Variants in UBXN8 observed in about 807,000 individuals in gnomAD.
UBXN8 encodes UBX domain-containing protein 8.
Under a neutral mutation model 32.1 loss-of-function variants are expected in UBXN8, and 27 were observed. The ratio of observed to expected loss-of-function variants is 0.84; its 90% CI spans 0.62 to 1.16. The LOEUF is 1.16. Ranked by LOEUF, UBXN8 falls within the 50% of genes most tolerant of loss-of-function variation. The probability of loss-of-function intolerance (pLI) is 0.00; values close to 1 mark genes in which losing one functional copy is unlikely to be tolerated. For synonymous variants in UBXN8, 109 were observed against 111.8 expected (o/e 0.98, Z 0.16); for missense variants, 306 against 311.4 (o/e 0.98, Z 0.13).
chr8:30,740,539 GGAAAAAAAAAAAAAGAAAGGAAA>G (rs1805176050), upstream of UBXN8, among the ~76,000 whole-genome samples: 1 of 136,708 alleles, frequency 7.3e-6, no homozygotes, highest in Non-Finnish European at 1.6e-5. Flanking sequence ...CCCATCTCCT[GGAAAAAAAAAAAAAGAAAGGAAA>G]GAAAAAATAA....
chr8:30,748,187 G>T (rs1805417789), intron 1 of UBXN8, among the ~76,000 whole-genome samples: 1 of 150,754 alleles, frequency 6.6e-6, no homozygotes, highest in African/African-American at 2.4e-5. Flanking sequence ...GCGCAGTGGT[G>T]CAGTCTCAGC....
chr8:30,760,691 GATTA>G (rs1805811185), intron 5 of UBXN8, among the ~76,000 whole-genome samples, 193 bp from the exon 6 acceptor site: 1 of 151,744 alleles, frequency 6.6e-6, no homozygotes, highest in Non-Finnish European at 1.5e-5. Flanking sequence ...CTATTTTTAT[GATTA>G]ATTTTTAGCA....
At chr8:30,749,292 C>T (rs535218116) in intron 1 of UBXN8, among the ~76,000 whole-genome samples, 7 of 151,498 alleles carry the variant, frequency 4.6e-5, no homozygotes, top group Admixed American at 6.6e-5. Context: ...ACCCAGGAGG[C>T]TGAGGCAGGA....
chr8:30,766,553 C>T lies in UBXN8; in HGVS notation c.*159C>T, dbSNP rs1032582002. The T allele has an allele frequency of 1.4e-6, 1 of 700,500 alleles. No homozygotes were observed. The highest frequency in any genetic ancestry group is 1.8e-5 in the African/African-American group (1 of 55,792). 43.4% of individuals were successfully genotyped at this position (700,500 alleles called of 1,614,324 possible). ...TGGGAATAGGATTAGAAAAGGATTGCTTTCTATATATAATAATCTGTGGAC... is the reference window on the plus strand; with the variant it reads ...TGGGAATAGGATTAGAAAAGGATTGTTTTCTATATATAATAATCTGTGGAC... On this transcript the variant is annotated 3_prime_UTR_variant, in exon 8 of 8. Coordinates refer to ENST00000265616, the MANE Select transcript of UBXN8 (RefSeq NM_005671.4).
At chr8:30,761,330 C>G (rs533271653) in intron 6 of UBXN8, among the ~76,000 whole-genome samples, 30 of 152,188 alleles carry the variant, frequency 2.0e-4, no homozygotes, top group African/African-American at 7.0e-4. Context: ...CTGCAGCGTC[C>G]GCCTCCTGAG....
In UBXN8 at chr8:30,754,717, GA is replaced by G. The variant is rs758601798; in HGVS notation, c.339del (p.Lys113AsnfsTer9). The G allele has an allele frequency of 8.3e-6, 13 of 1,562,862 alleles. No homozygotes were observed. The highest frequency in any genetic ancestry group is 1.1e-5 in the Non-Finnish European group (13 of 1,164,762). ...VLKPHQEMKL[R>X]KLEERFYQMT... ...AAACCTCACCAGGAAATGAAATTGA[GA>G]AAACTGGAGGAGCGCTTTTATCAAA... On this transcript the variant is annotated frameshift_variant, in exon 4 of 8. Transcript: ENST00000265616. LOFTEE classifies it high-confidence loss of function.
Position 30,766,327 on chromosome 8 carries a change from C to A in UBXN8, c.746C>A (p.Ser249Ter). Residue 249 changes from serine to a stop codon, truncating the protein, a stop_gained, in exon 8 of 8, where the codon TCG becomes TAG. Transcript: ENST00000265616. LOFTEE classifies it high-confidence loss of function. ...CCTCTGGCAGTGGAGGGAGGCCAGT[C>A]GCTGGAGGACATAGGAATAACTGTG... ...RRPLAVEGGQ[S>*]LEDIGITVDT... 2 of 1,613,600 alleles carry A rather than the reference C, an allele frequency of 1.2e-6. No individual in the cohort carries two copies. Among genetic ancestry groups the A allele is most frequent in the South Asian group, 2.2e-5 (2 of 90,986 alleles).
chr8:30,746,695 T>C (rs1453563166), intron 1 of UBXN8, among the ~76,000 whole-genome samples: 1 of 138,610 alleles, frequency 7.2e-6, no homozygotes, highest in Non-Finnish European at 1.5e-5. Flanking sequence ...ACTAATTTTT[T>C]TGTATTTTTA....
At chr8:30,760,833 G>T in intron 5 of UBXN8, 55 bp from the exon 6 acceptor site, 1 of 1,182,442 alleles carries the variant, frequency 8.5e-7, no homozygotes, top group South Asian at 1.4e-5. Context: ...TCTTCTCATT[G>T]ACACTTTTGC....
intron 7 of UBXN8, 99 bp downstream of exon 7, chr8:30,763,446 C>A: frequency 1.7e-6 from 2 of 1,211,352 alleles, no homozygotes; most frequent in South Asian, 1.3e-5. Context: ...CTGTCATCTG[C>A]ATCTCCCATC....
chr8:30,745,490 C>G (rs1805337401), intron 1 of UBXN8, among the ~76,000 whole-genome samples: 1 of 152,122 alleles, frequency 6.6e-6, no homozygotes, highest in Admixed American at 6.5e-5. Flanking sequence ...TGAAACTTGG[C>G]TTTGTGTACT....
At chr8:30,731,106 G>A (rs1804941474), upstream of UBXN8, among the ~76,000 whole-genome samples, 2 of 152,188 alleles carry the variant, frequency 1.3e-5, no homozygotes, top group African/African-American at 4.8e-5. Flanking sequence ...ATAGGACATT[G>A]GAAGAACAAA....
chr8:30,735,544 C>T (rs1359206329), intron 1 of UBXN8, among the ~76,000 whole-genome samples: 5 of 151,990 alleles, frequency 3.3e-5, no homozygotes, highest in Non-Finnish European at 5.9e-5. Context: ...CAGAGTGTGT[C>T]TCAAAAAAAC....
At chr8:30,744,440 C>T (rs984073584) in intron 1 of UBXN8, 163 bp downstream of exon 1, 4 of 679,390 alleles carry the variant, frequency 5.9e-6, no homozygotes, top group Non-Finnish European at 1.0e-5. Flanking sequence ...GACTTCACTT[C>T]GAGGAACCTT....
intron 1 of UBXN8, among the ~76,000 whole-genome samples, chr8:30,737,564 T>A (rs368373574): frequency 2.6e-5 from 4 of 152,204 alleles, no homozygotes; most frequent in African/African-American, 9.6e-5. Context: ...ATATTTATTG[T>A]TCATTGGATG....
At chr8:30,729,176 G>A (rs140819810), upstream of UBXN8, among the ~76,000 whole-genome samples, 24 of 152,344 alleles carry the variant, frequency 1.6e-4, no homozygotes, top group East Asian at 4.2e-3. Flanking sequence ...TCCCTGCGGG[G>A]AACTCCCGCC....
At chr8:30,756,407 A>T (rs1805661646) in intron 4 of UBXN8, 1 of 201,148 alleles carries the variant, frequency 5.0e-6, no homozygotes, top group South Asian at 9.2e-5. Flanking sequence ...GGCGTTCCAA[A>T]ATGCTGTGAT....
At chr8:30,745,713 CTG>C (rs1331247079) in intron 1 of UBXN8, among the ~76,000 whole-genome samples, 3 of 152,194 alleles carry the variant, frequency 2.0e-5, no homozygotes, top group African/African-American at 7.2e-5. Context: ...CGCAATTCAC[CTG>C]TTCCCTTGTC....
intron 5 of UBXN8, among the ~76,000 whole-genome samples, chr8:30,759,826 A>G (rs1373913439): frequency 6.6e-6 from 1 of 151,280 alleles, no homozygotes. Context: ...GCATGGTGGC[A>G]GGCGCCTGTA....
Sources: gnomAD v4.1 joint callset for allele counts (sites outside exome capture counted in the v4.1 genomes callset) on GRCh38, gnomAD v4.1.1 for gene constraint, MANE v1.5 for transcripts, NCBI Gene and HGNC (gene_info 2026-07-23, HGNC 2026-07-21) for gene names.